The following NOVA1 variants were observed in gnomAD, a reference collection of about 807,000 sequenced individuals.
NOVA1 encodes NOVA alternative splicing regulator 1.
NOVA1 carries 7 observed loss-of-function variants against 38.0 expected under a neutral mutation model. That is an observed-to-expected ratio of 0.18 (90% CI 0.10 to 0.35). The LOEUF is 0.35. Ranked by LOEUF, NOVA1 falls within the 10% of genes least tolerant of loss-of-function variation. NOVA1 has a pLI of 1.00. For missense variants in NOVA1, 460 were observed against 616.0 expected, an observed-to-expected ratio of 0.75 and a Z score of 2.68; for synonymous variants, 270 against 232.5, an observed-to-expected ratio of 1.16 and a Z score of -1.47.
At chr14:26,574,269 C>A (rs10134708) in intron 2 of NOVA1, among the ~76,000 whole-genome samples, 27,248 of 45,366 alleles carry the variant, frequency 0.6, 8,588 homozygotes, top group South Asian at 0.78. Context: ...CGTGATCCAC[C>A]CCCCCCCCCC....
At chr14:26,451,461 G>A (rs1882670239) in intron 4 of NOVA1, among the ~76,000 whole-genome samples, 1 of 151,984 alleles carries the variant, frequency 6.6e-6, no homozygotes, top group African/African-American at 2.4e-5. Context: ...TCCGCCTCCC[G>A]GGTTCAAGCG....
At chr14:26,497,144 C>T (rs2138386423) in intron 2 of NOVA1, among the ~76,000 whole-genome samples, 1 of 152,234 alleles carries the variant, frequency 6.6e-6, no homozygotes, top group Non-Finnish European at 1.5e-5. Flanking sequence ...CATTCTTATA[C>T]ACCAATAACA....
Position 26,597,529 on chromosome 14 carries a change from T to G in NOVA1, c.-93A>C. 5 of 1,122,422 alleles carry G rather than the reference T, an allele frequency of 4.5e-6. No individual in the cohort carries two copies. Among genetic ancestry groups the G allele is most frequent in the Non-Finnish European group, 5.5e-6 (5 of 912,100 alleles). 69.5% of individuals were successfully genotyped at this position (1,122,422 alleles called of 1,614,324 possible). A position where few individuals can be genotyped will look rare whatever the true frequency, so the allele number is the denominator to read the frequency against. On this transcript the variant is annotated 5_prime_UTR_variant, in exon 1 of 5. Transcript: ENST00000539517. ...TTTCTTTTTTTTTTTTTTTTTTTTT[T>G]GCGTTTGGGGTTTCTTAAGGTTTTT... is the stretch of plus-strand genomic sequence containing the variant.
intron 3 of NOVA1, among the ~76,000 whole-genome samples, chr14:26,475,686 A>G (rs1023920742): frequency 5.3e-5 from 8 of 152,230 alleles, no homozygotes; most frequent in Non-Finnish European, 1.2e-4. Context: ...TTAATGCAGA[A>G]TAATTATTAA....
At chr14:26,484,031 C>T (rs927736045) in intron 2 of NOVA1, among the ~76,000 whole-genome samples, 1 of 151,796 alleles carries the variant, frequency 6.6e-6, no homozygotes, top group Admixed American at 6.6e-5. Context: ...GAAATATGTA[C>T]AGGTAAAATG....
chr14:26,488,067 T>A (rs1886057504), intron 2 of NOVA1, among the ~76,000 whole-genome samples: 1 of 152,094 alleles, frequency 6.6e-6, no homozygotes, highest in South Asian at 2.1e-4. Context: ...AAAAAAGAAA[T>A]CATAGGAATT....
chr14:26,486,652 T>C (rs1292290011), intron 2 of NOVA1, among the ~76,000 whole-genome samples: 1 of 113,458 alleles, frequency 8.8e-6, no homozygotes, highest in African/African-American at 3.4e-5. Flanking sequence ...GAGCTTGCAG[T>C]GAGCCGAGAT....
chr14:26,503,474 T>G (rs1049510874), intron 2 of NOVA1, among the ~76,000 whole-genome samples: 4 of 152,076 alleles, frequency 2.6e-5, no homozygotes, highest in African/African-American at 7.2e-5. Flanking sequence ...ACCATATAGC[T>G]CTGATTGGCA....
chr14:26,553,132 A>G (rs1891264031), intron 2 of NOVA1, among the ~76,000 whole-genome samples: 1 of 152,218 alleles, frequency 6.6e-6, no homozygotes, highest in East Asian at 1.9e-4. Context: ...GAATAAAACT[A>G]CTAGGCAAGA....
At chr14:26,527,764 C>T (rs966448001) in intron 2 of NOVA1, among the ~76,000 whole-genome samples, 3 of 152,164 alleles carry the variant, frequency 2.0e-5, no homozygotes, top group Admixed American at 1.3e-4. Context: ...CAAAGACAGA[C>T]GGACTATTTC....
chr14:26,595,518 T>C lies in NOVA1; in HGVS notation c.172A>G (p.Ser58Gly), dbSNP rs1894133241. ...CCAATTATAGATCCAGCAGCATAACTAGGTATGAGAACCTTTAGAAAATAC... is the reference window on the plus strand; with the variant it reads ...CCAATTATAGATCCAGCAGCATAACCAGGTATGAGAACCTTTAGAAAATAC... The part of the protein sequence containing the change: ...GQYFLKVLIP[S>G]YAAGSIIGKG... Residue 58 changes from serine to glycine, a missense_variant, in exon 2 of 5, where the codon AGT (serine) becomes GGT (glycine). Coordinates refer to ENST00000539517, the MANE Select transcript of NOVA1 (RefSeq NM_002515.3). 6.2e-7 allele frequency: 1 copy of C among 1,613,756 alleles called. No individual in the cohort carries two copies. The highest frequency in any genetic ancestry group is 1.3e-5 in the African/African-American group (1 of 75,020).
intron 2 of NOVA1, among the ~76,000 whole-genome samples, chr14:26,505,025 A>T (rs904972402): frequency 1.6e-5 from 1 of 62,656 alleles, no homozygotes; most frequent in Non-Finnish European, 3.5e-5. Context: ...AGCTAGCCAT[A>T]CTCAGGTAAA....
chr14:26,556,435 C>T (rs1403571228), intron 2 of NOVA1, among the ~76,000 whole-genome samples: 3 of 152,054 alleles, frequency 2.0e-5, no homozygotes, highest in African/African-American at 7.2e-5. Context: ...GTTGGAACAA[C>T]TCGACATCCA....
chr14:26,474,286 C>T (rs552680289), intron 3 of NOVA1, among the ~76,000 whole-genome samples: 55 of 152,070 alleles, frequency 3.6e-4, no homozygotes, highest in African/African-American at 1.2e-3. Flanking sequence ...ATTAGAAGTA[C>T]TATCTAATGG....
chr14:26,533,299 C>A (rs1889851582), intron 2 of NOVA1, among the ~76,000 whole-genome samples: 1 of 152,194 alleles, frequency 6.6e-6, no homozygotes, highest in African/African-American at 2.4e-5. Flanking sequence ...CGCTTAGGAG[C>A]CACTTATGCA....
intron 2 of NOVA1, among the ~76,000 whole-genome samples, chr14:26,511,518 A>T (rs543624735): frequency 1.3e-5 from 2 of 152,172 alleles, no homozygotes; most frequent in Admixed American, 1.3e-4. Flanking sequence ...CTGTAATCCC[A>T]GCACTATGGG....
chr14:26,456,645 G>T (rs1883202982), intron 4 of NOVA1, among the ~76,000 whole-genome samples: 1 of 151,850 alleles, frequency 6.6e-6, no homozygotes, highest in Non-Finnish European at 1.5e-5. Context: ...CGTATATATT[G>T]TCTTTTGCAA....
intron 2 of NOVA1, among the ~76,000 whole-genome samples, chr14:26,516,686 T>C (rs142279220): frequency 5.9e-5 from 9 of 152,338 alleles, no homozygotes; most frequent in African/African-American, 9.6e-5. Context: ...TGTTTGTATT[T>C]AGGCTCTATT....
At chr14:26,576,281 C>T (rs570214739) in intron 2 of NOVA1, among the ~76,000 whole-genome samples, 91 of 151,736 alleles carry the variant, frequency 6.0e-4, no homozygotes, top group Admixed American at 1.7e-3. Context: ...TCTTACTCCT[C>T]TTGCTTCCTT....
Sources: allele counts gnomAD v4.1 joint callset (sites outside exome capture counted in the v4.1 genomes callset), GRCh38; gene constraint gnomAD v4.1.1; transcripts MANE v1.5; gene names NCBI Gene and HGNC (gene_info 2026-07-23, HGNC 2026-07-21).